SCFD1: variants seen among roughly 807,000 people sequenced by gnomAD.
The protein encoded by SCFD1 is sec1 family domain containing 1, also known as sec1 family domain-containing protein 1.
In SCFD1, 37 loss-of-function variants were observed where a neutral mutation model predicts 103.2. The ratio of observed to expected loss-of-function variants is 0.36; its 90% CI spans 0.28 to 0.47. SCFD1 has a LOEUF of 0.47. Ranked by LOEUF, SCFD1 falls within the 20% of genes least tolerant of loss-of-function variation. The pLI is 1.00. For missense variants in SCFD1, 639 were observed against 761.2 expected, an observed-to-expected ratio of 0.84 and a Z score of 1.89; for synonymous variants, 264 against 245.0, an observed-to-expected ratio of 1.08 and a Z score of -0.73.
At chr14:30,703,638 CAA>C (rs1056145004) in intron 17 of SCFD1, among the ~76,000 whole-genome samples, 6 of 149,926 alleles carry the variant, frequency 4.0e-5, no homozygotes, top group South Asian at 4.2e-4. Context: ...AAAAGCATAA[CAA>C]GAGAATTACA....
At chr14:30,677,405 A>T (rs1031496605) in intron 14 of SCFD1, among the ~76,000 whole-genome samples, 2 of 152,182 alleles carry the variant, frequency 1.3e-5, no homozygotes, top group African/African-American at 4.8e-5. Context: ...AAAGTGTGCT[A>T]TTGAGGACAT....
At chr14:30,630,628 T>C in intron 3 of SCFD1, 63 bp downstream of exon 3, 1 of 1,002,090 alleles carries the variant, frequency 1.0e-6, no homozygotes, top group Non-Finnish European at 1.6e-6. Context: ...AGAAAAATAG[T>C]GTTAGGTTAC....
intron 1 of SCFD1, among the ~76,000 whole-genome samples, chr14:30,627,286 T>C (rs1282892588): frequency 6.6e-6 from 1 of 152,250 alleles, no homozygotes; most frequent in East Asian, 1.9e-4. Context: ...ATCTACTATA[T>C]GGGAAAGTCT....
Position 30,670,921 on chromosome 14 carries a change from C to T in SCFD1, c.995+526C>T, listed in dbSNP as rs1015483428. On this transcript the variant is annotated intron_variant, in intron 11 of 24. Transcript: ENST00000458591. ...ATACATATCCCATGTGATGCTATGC[C>T]CCCTTAAAGTTTAGGGTACTTCATG... Among the ~76,000 whole-genome samples, 3 of 152,008 alleles carry T rather than the reference C, an allele frequency of 2.0e-5. No individual in the cohort carries two copies. In the East Asian group the frequency reaches 5.8e-4, roughly 29 times the overall value.
At chr14:30,646,397 T>G (rs1236192945) in intron 7 of SCFD1, among the ~76,000 whole-genome samples, 1 of 149,738 alleles carries the variant, frequency 6.7e-6, no homozygotes, top group African/African-American at 2.6e-5. Context: ...CATATGGTTT[T>G]TGTTTTTAGT....
At chr14:30,630,145 T>C (rs1422953233) in intron 2 of SCFD1, among the ~76,000 whole-genome samples, 1 of 152,128 alleles carries the variant, frequency 6.6e-6, no homozygotes, top group Non-Finnish European at 1.5e-5. Context: ...AAGAAGAAAT[T>C]GATATAATTA....
At position 30,650,547 on chromosome 14, in the gene SCFD1, T is replaced by TA. The variant is rs1283873305; in HGVS notation, c.670-14dup. On this transcript the variant is annotated splice_polypyrimidine_tract_variant and intron_variant, in intron 8 of 24. Coordinates refer to ENST00000458591, the MANE Select transcript of SCFD1 (RefSeq NM_016106.4). The stretch of plus-strand genomic sequence containing the variant: ...TATATGAAACTGTTAAGAGTTAATC[T>TA]AAAATTTTATTTTTCAGAAACTAGA... The TA allele has an allele frequency of 6.8e-7, 1 of 1,470,016 alleles. No homozygotes were observed. Among genetic ancestry groups the TA allele is most frequent in the Non-Finnish European group, 9.5e-7 (1 of 1,051,442 alleles). 91.1% of individuals were successfully genotyped at this position (1,470,016 alleles called of 1,614,324 possible).
intron 20 of SCFD1, among the ~76,000 whole-genome samples, chr14:30,717,497 C>A (rs1045509963): frequency 8.6e-5 from 13 of 151,188 alleles, no homozygotes; most frequent in South Asian, 4.2e-4. Context: ...AGAAAAAATT[C>A]TGTGATATTT....
chr14:30,683,634 G>A, intron 14 of SCFD1: 1 of 249,674 alleles, frequency 4.0e-6, no homozygotes, highest in Non-Finnish European at 7.8e-6. Context: ...ACTCGGGAGA[G>A]CTCATGACTG....
intron 7 of SCFD1, among the ~76,000 whole-genome samples, chr14:30,647,743 C>G (rs1885980363): frequency 6.6e-6 from 1 of 152,106 alleles, no homozygotes; most frequent in African/African-American, 2.4e-5. Flanking sequence ...CTCTGCCTCC[C>G]AGGTTCAAGC....
chr14:30,730,837 A>C (rs1470016592), intron 23 of SCFD1, among the ~76,000 whole-genome samples: 1 of 152,164 alleles, frequency 6.6e-6, no homozygotes, highest in African/African-American at 2.4e-5. Flanking sequence ...TTTGCTGTGC[A>C]GAAGCTCCTT....
intron 6 of SCFD1, among the ~76,000 whole-genome samples, 166 bp downstream of exon 6, chr14:30,640,030 T>A (rs1363280823): frequency 1.3e-5 from 2 of 152,188 alleles, no homozygotes; most frequent in Non-Finnish European, 2.9e-5. Context: ...CAGACTGAAT[T>A]TTATTACATT....
At position 30,673,970 on chromosome 14, in the gene SCFD1, A is replaced by T; in HGVS notation, c.1133A>T (p.Asn378Ile). Residue 378 changes from asparagine (N) to isoleucine (I), a missense_variant, in exon 13 of 25, where the codon AAT (asparagine) becomes ATT (isoleucine). Asn to Ile is a moderately radical substitution (Grantham distance 149). Coordinates refer to ENST00000458591, the MANE Select transcript of SCFD1 (RefSeq NM_016106.4). ...GGAGCCATAAGTATGCTTTCTGACA[A>T]TACCGCTAAGCTAACATCAGCTGTT... is the stretch of plus-strand genomic sequence containing the variant. ...DEGAISMLSD[N>I]TAKLTSAVSS... The T allele has an allele frequency of 6.2e-7, 1 of 1,613,784 alleles. No homozygotes were observed. The highest frequency in any genetic ancestry group is 8.5e-7 in the Non-Finnish European group (1 of 1,179,772).
At chr14:30,719,290 C>A in intron 20 of SCFD1, 35 bp from the exon 21 acceptor site, 1 of 1,370,526 alleles carries the variant, frequency 7.3e-7, no homozygotes, top group South Asian at 1.2e-5. Flanking sequence ...AAGAGAAATT[C>A]CACAGTCATG....
At chr14:30,699,410 A>G (rs906989455) in intron 15 of SCFD1, among the ~76,000 whole-genome samples, 6 of 152,202 alleles carry the variant, frequency 3.9e-5, no homozygotes, top group Non-Finnish European at 7.3e-5. Flanking sequence ...TGTCGAGAAC[A>G]ATGCTTTATC....
At chr14:30,647,839 C>CG (rs1474118821) in intron 7 of SCFD1, among the ~76,000 whole-genome samples, 1 of 151,894 alleles carries the variant, frequency 6.6e-6, no homozygotes, top group African/African-American at 2.4e-5. Context: ...TTAGCAGAGA[C>CG]GGGGTTTCAC....
At chr14:30,669,965 AAAATT>A (rs146828666) in intron 10 of SCFD1, 4,126 of 233,394 alleles carry the variant, frequency 0.018, 168 homozygotes, top group African/African-American at 0.09. Flanking sequence ...TTTAAAAAAT[AAAATT>A]AAGAGGATGT....
intron 19 of SCFD1, among the ~76,000 whole-genome samples, chr14:30,709,381 CA>C (rs1027134699): frequency 1.3e-5 from 2 of 152,018 alleles, no homozygotes; most frequent in Non-Finnish European, 2.9e-5. Flanking sequence ...TACAGGCACG[CA>C]CCGCCACACC....
intron 7 of SCFD1, among the ~76,000 whole-genome samples, chr14:30,648,830 C>G (rs993073693): frequency 3.3e-4 from 50 of 152,106 alleles, no homozygotes; most frequent in Admixed American, 9.2e-4. Context: ...CCAAATTAGC[C>G]AGGCTTGGTG....
Sources: gnomAD v4.1 joint callset for allele counts (sites outside exome capture counted in the v4.1 genomes callset) on GRCh38, gnomAD v4.1.1 for gene constraint, MANE v1.5 for transcripts, NCBI Gene and HGNC (gene_info 2026-07-23, HGNC 2026-07-21) for gene names.